Variants in ARHGAP17 observed in about 807,000 individuals in gnomAD.
The protein encoded by ARHGAP17 is rho GTPase-activating protein 17.
Under a neutral mutation model 99.5 loss-of-function variants are expected in ARHGAP17, and 57 were observed. That is an observed-to-expected ratio of 0.57 (90% CI 0.46 to 0.71). The LOEUF (loss-of-function observed/expected upper bound fraction) is 0.71, where lower values mean the gene tolerates loss of function less well. ARHGAP17 is among the 30% of genes least tolerant of loss of function. The probability of loss-of-function intolerance (pLI) is 0.00; values close to 1 mark genes in which losing one functional copy is unlikely to be tolerated. For missense variants in ARHGAP17, 1,000 were observed against 1,122.4 expected, an observed-to-expected ratio of 0.89 and a Z score of 1.56; for synonymous variants, 417 against 429.6, an observed-to-expected ratio of 0.97 and a Z score of 0.36.
chr16:25,014,488 TAAAG>T (rs1168542924), intron 1 of ARHGAP17, among the ~76,000 whole-genome samples: 2 of 152,234 alleles, frequency 1.3e-5, no homozygotes, highest in East Asian at 3.8e-4. Context: ...CAAAGGAAGA[TAAAG>T]AAGCATTTGT....
intron 1 of ARHGAP17, among the ~76,000 whole-genome samples, chr16:24,986,983 T>A (rs1385562076): frequency 2.6e-5 from 4 of 152,228 alleles, no homozygotes; most frequent in Non-Finnish European, 4.4e-5. Flanking sequence ...CGCACCTCCA[T>A]CCACTCACCT....
chr16:24,983,785 G>C (rs2052773596), intron 1 of ARHGAP17, among the ~76,000 whole-genome samples: 1 of 152,118 alleles, frequency 6.6e-6, no homozygotes, highest in Admixed American at 6.6e-5. Context: ...TTTTACTCTG[G>C]GGTTTGTTTT....
At chr16:25,007,829 G>A (rs2053547367) in intron 1 of ARHGAP17, among the ~76,000 whole-genome samples, 1 of 152,124 alleles carries the variant, frequency 6.6e-6, no homozygotes, top group African/African-American at 2.4e-5. Context: ...ATGAAAATCA[G>A]CATTCTGGAG....
At chr16:24,979,351 C>T (rs1041965194) in intron 1 of ARHGAP17, among the ~76,000 whole-genome samples, 4 of 152,134 alleles carry the variant, frequency 2.6e-5, no homozygotes, top group African/African-American at 9.7e-5. Flanking sequence ...ATTCAATAGA[C>T]CCTGCATTTT....
chr16:24,982,615 C>T (rs550810441), intron 1 of ARHGAP17, among the ~76,000 whole-genome samples: 131 of 152,156 alleles, frequency 8.6e-4, no homozygotes, highest in African/African-American at 3.0e-3. Flanking sequence ...CCATCTATTC[C>T]AATAATGTGG....
At chr16:25,002,320 T>C (rs2053382674) in intron 1 of ARHGAP17, among the ~76,000 whole-genome samples, 1 of 152,046 alleles carries the variant, frequency 6.6e-6, no homozygotes, top group African/African-American at 2.4e-5. Flanking sequence ...AGCCCAAACA[T>C]GGTGTTCAAT....
At chr16:25,003,519 G>A (rs1201627284) in intron 1 of ARHGAP17, among the ~76,000 whole-genome samples, 6 of 152,038 alleles carry the variant, frequency 3.9e-5, no homozygotes, top group Non-Finnish European at 7.4e-5. Flanking sequence ...TGGCCTTAAA[G>A]CTTTTTAAAA....
Position 24,959,710 on chromosome 16 carries a change from CTGCTAA to C in ARHGAP17, c.679_684del (p.Leu227_Ala228del). Reference sequence around the variant, plus strand: ...ATTTCGGGGAGGGTCTTTTCTAAGACTGCTAATGCTTTTCTATGGTAATCTGCTTGG... The same window carrying C: ...ATTTCGGGGAGGGTCTTTTCTAAGACTGCTTTTCTATGGTAATCTGCTTGG... On this transcript the variant is annotated inframe_deletion, in exon 9 of 20. Transcript: ENST00000289968. The C allele has an allele frequency of 6.2e-7, 1 of 1,614,102 alleles. No homozygotes were observed. The highest frequency in any genetic ancestry group is 8.5e-7 in the Non-Finnish European group (1 of 1,180,036).
chr16:24,998,149 A>G (rs1023403590), intron 1 of ARHGAP17, among the ~76,000 whole-genome samples: 3 of 152,004 alleles, frequency 2.0e-5, no homozygotes, highest in Non-Finnish European at 4.4e-5. Context: ...CTGATGATGC[A>G]AACTGGGCCC....
rs759512955 is a variant in ARHGAP17 at position 24,968,790 on chromosome 16, C to T, written c.273-18G>A. ...GCATCTTCCTTTAAAAACAAGACCC[C>T]CAACAACGAGCACGTGCTCATTAAA... On this transcript the variant is annotated intron_variant, in intron 4 of 19. Transcript: ENST00000289968. The T allele has an allele frequency of 5.6e-6, 9 of 1,612,638 alleles. No individual in the cohort carries two copies. The African/African-American group carries it at 1.1e-4, about 19-fold the overall frequency.
intron 19 of ARHGAP17, among the ~76,000 whole-genome samples, chr16:24,923,909 T>C (rs2050778227): frequency 6.6e-6 from 1 of 152,010 alleles, no homozygotes; most frequent in Non-Finnish European, 1.5e-5. Flanking sequence ...GAGCTAGAAG[T>C]GGAATGTTAT....
At position 24,968,258 on chromosome 16, in the gene ARHGAP17, T is replaced by C. The variant is rs138512220; in HGVS notation, c.461+93A>G. The C allele has an allele frequency of 8.4e-5, 121 of 1,439,608 alleles. No individual in the cohort carries two copies. In the African/African-American group the frequency reaches 1.4e-3, roughly 16 times the overall value. The allele number at this position is 1,439,608 out of a possible 1,614,324, so 89.2% of individuals were successfully genotyped here. On this transcript the variant is annotated intron_variant, in intron 6 of 19. Transcript: ENST00000289968. ...CCAGTCTGGGGGTCAAATGCACGAA[T>C]TGGTGAGCACTTCCATTGTGTCCAC...
chr16:24,949,120 G>C (rs1436910219), intron 13 of ARHGAP17: 2 of 283,764 alleles, frequency 7.0e-6, no homozygotes, highest in Non-Finnish European at 1.3e-5. Flanking sequence ...CCAACATACA[G>C]TCACTCAAAC....
At chr16:24,941,027 T>C (rs1170669436) in intron 16 of ARHGAP17, among the ~76,000 whole-genome samples, 2 of 152,220 alleles carry the variant, frequency 1.3e-5, no homozygotes, top group Non-Finnish European at 2.9e-5. Context: ...CAGGAAATAC[T>C]ACTGAATGTA....
At chr16:24,946,416 C>T (rs2051475128) in intron 14 of ARHGAP17, among the ~76,000 whole-genome samples, 1 of 151,646 alleles carries the variant, frequency 6.6e-6, no homozygotes, top group Non-Finnish European at 1.5e-5. Flanking sequence ...ACTGTTAACT[C>T]ATCAAGGTAC....
In ARHGAP17 at chr16:24,968,671, C is replaced by A; in HGVS notation, c.374G>T (p.Gly125Val). The change falls in exon 5 of 20, where the codon GGC becomes GTC. Residue 125 changes from glycine to valine, a missense_variant. Physicochemically the swap from Gly to Val is moderately radical, Grantham distance 109 (BLOSUM62 -3). This residue lies in a region of ARHGAP17 where 472 missense variants were observed against 611.1 expected (regional missense o/e 0.77). Coordinates refer to ENST00000289968, the MANE Select transcript of ARHGAP17 (RefSeq NM_001006634.3). ...VEKEIVDPLY[G>V]IAEVEIPNIQ... Reference sequence around the variant, plus strand: ...CGGTGAAGCACCCACCTCAGCTATGCCGTACAGAGGGTCCACGATCTCCTT... The same window carrying A: ...CGGTGAAGCACCCACCTCAGCTATGACGTACAGAGGGTCCACGATCTCCTT... 6.2e-7 allele frequency: 1 copy of A among 1,614,214 alleles called. No individual in the cohort carries two copies. Among genetic ancestry groups the A allele is most frequent in the Non-Finnish European group, 8.5e-7 (1 of 1,180,032 alleles).
chr16:24,946,107 C>T (rs532872974), intron 14 of ARHGAP17, among the ~76,000 whole-genome samples: 3 of 152,256 alleles, frequency 2.0e-5, no homozygotes, highest in South Asian at 2.1e-4. Context: ...AGCTTTCCAG[C>T]GGATCCCCCG....
chr16:25,004,977 C>T (rs576030135), intron 1 of ARHGAP17, among the ~76,000 whole-genome samples: 3 of 152,314 alleles, frequency 2.0e-5, no homozygotes, highest in South Asian at 4.1e-4. Context: ...TGCAGTGGTG[C>T]GATCTTGGCT....
At chr16:24,956,187 A>G (rs1380109283) in intron 9 of ARHGAP17, 1 of 152,266 alleles carries the variant, frequency 6.6e-6, no homozygotes, top group Non-Finnish European at 1.5e-5. Context: ...CATTGCCTTC[A>G]CCACAAGCCC....
Sources: allele counts gnomAD v4.1 joint callset (sites outside exome capture counted in the v4.1 genomes callset), GRCh38; gene constraint gnomAD v4.1.1; regional missense constraint gnomAD v4.1.1; transcripts MANE v1.5; gene names NCBI Gene and HGNC (gene_info 2026-07-23, HGNC 2026-07-21).